Variants in EIF4G2 observed in about 807,000 individuals in gnomAD.
EIF4G2 encodes DAP-5.
In EIF4G2, 8 loss-of-function variants were observed where a neutral mutation model predicts 117.7. That is an observed-to-expected ratio of 0.07 (90% CI 0.04 to 0.12). The LOEUF (loss-of-function observed/expected upper bound fraction) is 0.12. Among genes scored for constraint, EIF4G2 ranks in the 10% least tolerant of loss-of-function variants. The pLI, the probability that EIF4G2 is intolerant of heterozygous loss-of-function variation, is 1.00. For synonymous variants in EIF4G2, 413 were observed against 367.8 expected (o/e 1.12, Z -1.41); for missense variants, 812 against 1,086.2 (o/e 0.75, Z 3.55).
rs201264830 is a variant in EIF4G2, at chr11:10,800,255, T to C, written c.1954A>G (p.Ile652Val). 3.7e-6 allele frequency: 6 copies of C among 1,614,192 alleles called. No homozygotes were observed. Among genetic ancestry groups the C allele is most frequent in the East Asian group, 4.5e-5 (2 of 44,882 alleles). The change falls in exon 18 of 22, where the codon ATT (isoleucine) becomes GTT (valine). Residue 652 changes from isoleucine to valine, a missense_variant. Coordinates refer to ENST00000339995, the MANE Select transcript of EIF4G2 (RefSeq NM_001418.4). Reference sequence around the variant, plus strand: ...TCTGAAATGCTCACCAGCTCTGAAATGATGGCACGAGCTGCAAACTGTGCT... The same window carrying C: ...TCTGAAATGCTCACCAGCTCTGAAACGATGGCACGAGCTGCAAACTGTGCT...
In EIF4G2 at chr11:10,799,267, C is replaced by T; in HGVS notation, c.2482G>A (p.Val828Ile). 6.2e-7 allele frequency: 1 copy of T among 1,614,166 alleles called. No homozygotes were observed. Among genetic ancestry groups the T allele is most frequent in the Non-Finnish European group, 8.5e-7 (1 of 1,180,036 alleles). ...ACCTGGAGAGCATACAGGGCACTGA[C>T]TTGTAGATCAACGTGATCATGAAGA... Residue 828 changes from valine (V) to isoleucine (I), a missense_variant, in exon 20 of 22, where the codon GTC becomes ATC. By Grantham distance (29) the Val-to-Ile change is conservative (BLOSUM62 3). Transcript: ENST00000339995.
chr11:10,807,965 A>AT, intron 1 of EIF4G2: 1 of 1,028,524 alleles, frequency 9.7e-7, no homozygotes, highest in Non-Finnish European at 1.2e-6. Flanking sequence ...AGAGCGGAGC[A>AT]TTCCTCCCAC....
chr11:10,799,805 T>C (rs199658248), intron 18 of EIF4G2, 49 bp from the exon 19 acceptor site: 11 of 1,583,494 alleles, frequency 6.9e-6, no homozygotes, highest in African/African-American at 4.1e-5. Flanking sequence ...TTTTACCAAG[T>C]TGTCCTGTCC....
At position 10,804,270 on chromosome 11, in the gene EIF4G2, CA is replaced by C. The variant is rs1847499896; in HGVS notation, c.483+16del. 1.9e-6 allele frequency: 3 copies of C among 1,612,744 alleles called. No individual in the cohort carries two copies. The East Asian group carries it at 6.7e-5, about 36-fold the overall frequency. ...TCAAGTCAACTTTAAAACAAGCAAA[CA>C]AAAACTACCACTTACGGTGCTTTGC... is the stretch of plus-strand genomic sequence containing the variant. On this transcript the variant is annotated intron_variant, in intron 6 of 21. Coordinates refer to ENST00000339995, the MANE Select transcript of EIF4G2 (RefSeq NM_001418.4).
chr11:10,801,592 T>C (rs1237601381), intron 14 of EIF4G2, 69 bp downstream of exon 14: 2 of 1,398,584 alleles, frequency 1.4e-6, no homozygotes, highest in Non-Finnish European at 2.0e-6. Flanking sequence ...ACGCGTCTTT[T>C]TATAATCATC....
intron 1 of EIF4G2, 53 bp downstream of exon 1, chr11:10,808,652 G>A (rs559531124): frequency 8.8e-6 from 3 of 339,868 alleles, no homozygotes; most frequent in Admixed American, 6.3e-5. Flanking sequence ...AGCGACCAGG[G>A]ACGGCGGCCA....
At chr11:10,804,621 T>C (rs1847507876) in intron 5 of EIF4G2, 4 of 675,010 alleles carry the variant, frequency 5.9e-6, no homozygotes, top group Non-Finnish European at 9.6e-6. Context: ...TAAACTGTCA[T>C]ACAATGCATT....
Position 10,804,380 on chromosome 11 carries a change from T to G in EIF4G2, c.390A>C (p.Ser130=). 1 of 1,612,530 alleles carries G rather than the reference T, an allele frequency of 6.2e-7. No individual in the cohort carries two copies. Among genetic ancestry groups the G allele is most frequent in the South Asian group, 1.1e-5 (1 of 91,002 alleles). ...ATCGCAGACATAGCTGAGCATACAGTGAGCTATACTTTGGCTCTTCTAGGG... is the reference window on the plus strand; with the variant it reads ...ATCGCAGACATAGCTGAGCATACAGGGAGCTATACTTTGGCTCTTCTAGGG... The change falls in exon 6 of 22, where the codon TCA becomes TCC. Residue 130 remains serine, a synonymous_variant. Coordinates refer to ENST00000339995, the MANE Select transcript of EIF4G2 (RefSeq NM_001418.4).
At position 10,800,795 on chromosome 11, in the gene EIF4G2, T is replaced by A; in HGVS notation, c.1580A>T (p.Gln527Leu). 1.2e-6 allele frequency: 2 copies of A among 1,614,236 alleles called. No individual in the cohort carries two copies. Among genetic ancestry groups the A allele is most frequent in the South Asian group, 2.2e-5 (2 of 91,088 alleles). The change falls in exon 16 of 22, where the codon CAG (glutamine) becomes CTG (leucine). Residue 527 changes from glutamine (Q) to leucine (L), a missense_variant. This residue lies in a region of EIF4G2 where 571 missense variants were observed against 642.3 expected (regional missense o/e 0.89). Coordinates refer to ENST00000339995, the MANE Select transcript of EIF4G2 (RefSeq NM_001418.4). ...TTTGCTGGTCTTGGCAGGCTTTTCCTGGATAAGCGGTGGATTAGTTTTGAG... is the reference window on the plus strand; with the variant it reads ...TTTGCTGGTCTTGGCAGGCTTTTCCAGGATAAGCGGTGGATTAGTTTTGAG...
intron 1 of EIF4G2, 91 bp from the exon 2 acceptor site, chr11:10,807,472 C>G (rs1472216750): frequency 7.1e-7 from 1 of 1,417,600 alleles, no homozygotes; most frequent in Non-Finnish European, 9.2e-7. Flanking sequence ...GATCCTGGCA[C>G]TGTCACTGCA....
rs79260740 is a variant in EIF4G2 at position 10,803,875 on chromosome 11, G to T, written c.702+24C>A. 1 of 1,597,620 alleles carries T rather than the reference G, an allele frequency of 6.3e-7. No individual in the cohort carries two copies. The highest frequency in any genetic ancestry group is 8.6e-7 in the Non-Finnish European group (1 of 1,168,894). ...TTCCTCCAAACGACTGACTACATTC[G>T]CCTAACTTCCCTGTCACACTTACTG... On this transcript the variant is annotated intron_variant, in intron 8 of 21. Transcript: ENST00000339995. This position sits in a 1 kb window ranked among gnomAD's most constrained non-coding sequence, Gnocchi z 4.0.
chr11:10,799,007 G>T lies in EIF4G2; in HGVS notation c.2643C>A (p.Gly881=). Residue 881 remains glycine, a synonymous_variant, in exon 21 of 22, where the codon GGC becomes GGA. Coordinates refer to ENST00000339995, the MANE Select transcript of EIF4G2 (RefSeq NM_001418.4). ...AAAGACTTACCTGGAACAAAGCCTT[G>T]CCTTTTCCCGGAAACTCTTGGGTTA... 1 of 1,600,174 alleles carries T rather than the reference G, an allele frequency of 6.2e-7. No homozygotes were observed. Among genetic ancestry groups the T allele is most frequent in the East Asian group, 2.2e-5 (1 of 44,794 alleles).
At chr11:10,806,634 A>G in intron 3 of EIF4G2, 186 bp downstream of exon 3, 1 of 585,014 alleles carries the variant, frequency 1.7e-6, no homozygotes, top group Non-Finnish European at 3.0e-6. Context: ...TGAGAGTCTC[A>G]ACTCACTTAG....
Position 10,803,914 on chromosome 11 carries a change from A to G in EIF4G2, c.687T>C (p.His229=), listed in dbSNP as rs373077230. ...TCACACTTACTGTTTTGATGCACTT[A>G]TGAAGGATAGATTCGTGAATAAGAT... The change falls in exon 8 of 22, where the codon CAT becomes CAC. Residue 229 remains histidine (H), a synonymous_variant. Transcript: ENST00000339995. This position sits in a 1 kb window ranked among gnomAD's most constrained non-coding sequence, Gnocchi z 4.0. The G allele has an allele frequency of 6.2e-7, 1 of 1,613,792 alleles. No homozygotes were observed. The highest frequency in any genetic ancestry group is 1.3e-5 in the African/African-American group (1 of 75,042).
chr11:10,804,238 A>G (rs1410132669), intron 6 of EIF4G2, 35 bp from the exon 7 acceptor site: 2 of 1,612,994 alleles, frequency 1.2e-6, no homozygotes, highest in Non-Finnish European at 8.5e-7. Flanking sequence ...TTTATTAAGG[A>G]AATTTTTCAA....
At position 10,800,886 on chromosome 11, in the gene EIF4G2, AG is replaced by A. The variant is rs756670865; in HGVS notation, c.1540-52del. Reference sequence around the variant, plus strand: ...TTTTTAAAAAGAGGACTATGAAATTAGGGGGAAGAACACACTAAATTTAGAA... The same window carrying A: ...TTTTTAAAAAGAGGACTATGAAATTAGGGGAAGAACACACTAAATTTAGAA... On this transcript the variant is annotated intron_variant, in intron 15 of 21. Transcript: ENST00000339995. 48 of 1,612,344 alleles carry A rather than the reference AG, an allele frequency of 3.0e-5. No individual in the cohort carries two copies. The African/African-American group carries it at 3.6e-4, about 12-fold the overall frequency.
rs765299205 is a variant in EIF4G2 at position 10,803,476 on chromosome 11, G to A, written c.813+4C>T. 5.2e-5 allele frequency: 84 copies of A among 1,612,014 alleles called. No individual in the cohort carries two copies. Among genetic ancestry groups the A allele is most frequent in the East Asian group, 3.6e-4 (16 of 44,882 alleles). ...TGTACTACTTTCATCAGCTACACACGTACCTTGGCTCGTTCATGGTCTAAT... is the reference window on the plus strand; with the variant it reads ...TGTACTACTTTCATCAGCTACACACATACCTTGGCTCGTTCATGGTCTAAT... On this transcript the variant is annotated splice_donor_region_variant and intron_variant, in intron 9 of 21. Transcript: ENST00000339995. The surrounding 1 kb of genome is among the most constrained non-coding windows in gnomAD (Gnocchi z 4.0).
At chr11:10,799,950 T>C (rs1847370680) in intron 18 of EIF4G2, 140 bp downstream of exon 18, 2 of 1,164,042 alleles carry the variant, frequency 1.7e-6, no homozygotes, top group East Asian at 2.4e-5. Context: ...TCTCTCTTTA[T>C]AGGTGAGATC....
intron 14 of EIF4G2, chr11:10,801,312 G>GT (rs1847409861): frequency 1.6e-6 from 1 of 638,798 alleles, no homozygotes; most frequent in Non-Finnish European, 2.7e-6. Flanking sequence ...CATTCTCTTA[G>GT]AATTAGCATG....
Sources: allele counts gnomAD v4.1 joint callset, GRCh38; gene constraint gnomAD v4.1.1; regional missense constraint gnomAD v4.1.1; non-coding constraint Gnocchi (gnomAD v3.1); transcripts MANE v1.5; gene names NCBI Gene and HGNC (gene_info 2026-07-23, HGNC 2026-07-21).